Variants in HOXC6 observed in about 807,000 individuals in gnomAD.
HOXC6 encodes homeobox C6.
In HOXC6, 10 loss-of-function variants were observed where a neutral mutation model predicts 24.0. That is an observed-to-expected ratio of 0.42 (90% CI 0.26 to 0.71). The LOEUF is 0.71. Ranked by LOEUF, HOXC6 falls within the 30% of genes least tolerant of loss-of-function variation. HOXC6 has a pLI of 0.28. For missense variants in HOXC6, 258 were observed against 303.4 expected (o/e 0.85, Z 1.11); for synonymous variants, 123 against 128.1 (o/e 0.96, Z 0.27).
intron 1 of HOXC6, among the ~76,000 whole-genome samples, chr12:54,019,240 T>C (rs1940312626): frequency 7.9e-6 from 1 of 127,244 alleles, no homozygotes; most frequent in African/African-American, 3.0e-5. Flanking sequence ...CTAATTTCGC[T>C]TTCCTTGTTT....
chr12:54,024,491 A>C (rs1308587772), upstream of HOXC6, among the ~76,000 whole-genome samples: 1 of 152,246 alleles, frequency 6.6e-6, no homozygotes, highest in Non-Finnish European at 1.5e-5. Flanking sequence ...CAGGGAGAAC[A>C]CAACTAAGGA....
At position 54,028,862 on chromosome 12, in the gene HOXC6, A is replaced by C. The variant is rs1324765529; in HGVS notation, c.341A>C (p.Gln114Pro). 1 of 1,613,952 alleles carries C rather than the reference A, an allele frequency of 6.2e-7. No homozygotes were observed. The highest frequency in any genetic ancestry group is 2.2e-5 in the East Asian group (1 of 44,886). Reference sequence around the variant, plus strand: ...TCTGAGCAGGGCAGGACTGCGCCCCAGGACCAGAAAGCCAGTATCCAGATT... The same window carrying C: ...TCTGAGCAGGGCAGGACTGCGCCCCCGGACCAGAAAGCCAGTATCCAGATT... ...FSSEQGRTAP[Q>P]DQKASIQIYP... is the part of the protein sequence containing the mutation. The change falls in exon 1 of 2, where the codon CAG (glutamine) becomes CCG (proline). Residue 114 changes from glutamine (Q) to proline (P), a missense_variant. By Grantham distance (76) the Gln-to-Pro change is moderately conservative (BLOSUM62 -1). Transcript: ENST00000243108.
At chr12:54,026,398 C>T (rs141237178), upstream of HOXC6, among the ~76,000 whole-genome samples, 477 of 152,334 alleles carry the variant, frequency 3.1e-3, 4 homozygotes, top group African/African-American at 0.011. Flanking sequence ...CAAAAAGCAA[C>T]TCACATTGGT....
intron 1 of HOXC6, among the ~76,000 whole-genome samples, chr12:54,029,195 A>G (rs1940870884): frequency 6.6e-6 from 1 of 152,124 alleles, no homozygotes; most frequent in South Asian, 2.1e-4. Context: ...GGAGCAGAAG[A>G]TAGGGGAGCC....
chr12:54,018,560 C>T (rs1007022180), intron 1 of HOXC6, among the ~76,000 whole-genome samples: 2 of 152,228 alleles, frequency 1.3e-5, no homozygotes, highest in African/African-American at 4.8e-5. Flanking sequence ...CTTAACCCGA[C>T]GCATATGGTT....
upstream of HOXC6, among the ~76,000 whole-genome samples, chr12:54,026,464 T>A (rs1241560634): frequency 6.6e-6 from 1 of 152,180 alleles, no homozygotes; most frequent in African/African-American, 2.4e-5. Flanking sequence ...TCATCTAAAA[T>A]TTTTTTTCTT....
chr12:54,019,185 A>G (rs932980247), intron 1 of HOXC6, among the ~76,000 whole-genome samples: 3 of 50,090 alleles, frequency 6.0e-5, no homozygotes, highest in Non-Finnish European at 8.6e-5. Context: ...CCACCCCCCC[A>G]CCCCCAGTAG....
At chr12:54,019,409 A>C (rs1280032941) in intron 1 of HOXC6, among the ~76,000 whole-genome samples, 1 of 152,150 alleles carries the variant, frequency 6.6e-6, no homozygotes, top group Non-Finnish European at 1.5e-5. Flanking sequence ...GGACCTGAAA[A>C]GGGCAAAGGG....
intron 1 of HOXC6, among the ~76,000 whole-genome samples, chr12:54,029,186 GAGC>G (rs1321612215): frequency 2.6e-5 from 4 of 152,214 alleles, no homozygotes; most frequent in Admixed American, 2.6e-4. Context: ...TGAGGGGAGG[GAGC>G]AGAAGATAGG....
At chr12:54,017,701 G>A (rs1316526126) in intron 1 of HOXC6, among the ~76,000 whole-genome samples, 2 of 152,116 alleles carry the variant, frequency 1.3e-5, no homozygotes, top group African/African-American at 2.4e-5. Flanking sequence ...GCGGTCTAGG[G>A]CGCCAGCTCT....
chr12:54,028,352 T>A (rs1008193086), upstream of HOXC6: 1 of 633,056 alleles, frequency 1.6e-6, no homozygotes, highest in Non-Finnish European at 2.7e-6. Context: ...GCGATTTTTT[T>A]CCCCCTTCCT....
chr12:54,029,565 G>A (rs1359171413), intron 1 of HOXC6, 90 bp from the exon 2 acceptor site: 12 of 1,385,576 alleles, frequency 8.7e-6, no homozygotes, highest in Non-Finnish European at 1.2e-5. Flanking sequence ...TGCTGGCCAG[G>A]TTGGGAGGGT....
At chr12:54,022,607 T>A (rs1449264378) in intron 1 of HOXC6, 1 of 152,160 alleles carries the variant, frequency 6.6e-6, no homozygotes, top group Non-Finnish European at 1.5e-5. Flanking sequence ...ATGAGGATGC[T>A]GTTTTATTGT....
At position 54,029,874 on chromosome 12, in the gene HOXC6, C is replaced by G. The variant is rs976893207; in HGVS notation, c.620C>G (p.Ser207Trp). ...GAATCTAATCTCACATCCACTCTCTCGGGGGGCGGCGGAGGGGCCACCGCC... is the reference window on the plus strand; with the variant it reads ...GAATCTAATCTCACATCCACTCTCTGGGGGGGCGGCGGAGGGGCCACCGCC... The part of the protein sequence containing the change: ...KKESNLTSTL[S>W]GGGGGATADS... Residue 207 changes from serine to tryptophan, a missense_variant, in exon 2 of 2, where the codon TCG becomes TGG. Transcript: ENST00000243108. 6.2e-7 allele frequency: 1 copy of G among 1,612,362 alleles called. No homozygotes were observed. Among genetic ancestry groups the G allele is most frequent in the African/African-American group, 1.3e-5 (1 of 74,730 alleles).
At chr12:54,026,895 A>G (rs1263181809), upstream of HOXC6, among the ~76,000 whole-genome samples, 1 of 152,058 alleles carries the variant, frequency 6.6e-6, no homozygotes, top group Non-Finnish European at 1.5e-5. Context: ...GGAAAAGATC[A>G]TAAAATCCGG....
intron 1 of HOXC6, among the ~76,000 whole-genome samples, chr12:54,023,107 CTG>C (rs1940523763): frequency 6.6e-6 from 1 of 152,186 alleles, no homozygotes; most frequent in Non-Finnish European, 1.5e-5. Context: ...TCACAGAGAG[CTG>C]TGTCCCCAGG....
Position 54,030,546 on chromosome 12 carries a change from A to T in HOXC6, c.*584A>T, listed in dbSNP as rs1940947324. ...CCTGGGGGTCATTATGGCATTTTAC[A>T]AACTGTGACCGTTTCTGTGTGAAGA... is the stretch of plus-strand genomic sequence containing the variant. On this transcript the variant is annotated 3_prime_UTR_variant, in exon 2 of 2. Transcript: ENST00000243108. 1 of 152,798 alleles carries T rather than the reference A, an allele frequency of 6.5e-6. No individual in the cohort carries two copies. Among genetic ancestry groups the T allele is most frequent in the Non-Finnish European group, 1.5e-5 (1 of 68,048 alleles). The allele number at this position is 152,798 out of a possible 1,614,324, so 9.5% of individuals were successfully genotyped here.
intron 1 of HOXC6, chr12:54,020,341 C>CG (rs1940378392): frequency 6.6e-6 from 1 of 151,668 alleles, no homozygotes; most frequent in African/African-American, 2.4e-5. Context: ...GGCTTGCCTG[C>CG]CCCCCTTATA....
At chr12:54,027,386 G>A (rs763855455), upstream of HOXC6, among the ~76,000 whole-genome samples, 23 of 152,154 alleles carry the variant, frequency 1.5e-4, no homozygotes, top group Non-Finnish European at 2.6e-4. Flanking sequence ...ACCAAGGCAG[G>A]GGCTTGAGCC....
Sources: allele counts gnomAD v4.1 joint callset (sites outside exome capture counted in the v4.1 genomes callset), GRCh38; gene constraint gnomAD v4.1.1; transcripts MANE v1.5; gene names NCBI Gene and HGNC (gene_info 2026-07-23, HGNC 2026-07-21).